The following ROBO2 variants were observed in gnomAD, a reference collection of about 807,000 sequenced individuals.
ROBO2 encodes the protein roundabout homolog 2.
Under a neutral mutation model 160.8 loss-of-function variants are expected in ROBO2, and 53 were observed. The ratio of observed to expected loss-of-function variants is 0.33; its 90% confidence interval spans 0.26 to 0.41. The LOEUF is 0.41. ROBO2 is among the 10% of genes least tolerant of loss of function. ROBO2 has a pLI of 1.00. For synonymous variants in ROBO2, 664 were observed against 611.7 expected (o/e 1.09, Z -1.26); for missense variants, 1,577 against 1,722.4 (o/e 0.92, Z 1.49).
chr3:77,221,346 C>T (rs1020205865), intron 2 of ROBO2, among the ~76,000 whole-genome samples: 8 of 152,150 alleles, frequency 5.3e-5, no homozygotes, highest in African/African-American at 1.9e-4. Flanking sequence ...ATTTGATAAC[C>T]TTTTGGTAAA....
chr3:75,999,597 G>A (rs1476245050), intron 2 of ROBO2, among the ~76,000 whole-genome samples: 5 of 152,128 alleles, frequency 3.3e-5, no homozygotes, highest in African/African-American at 1.2e-4. Flanking sequence ...TTTCATGTGT[G>A]TGGCATGTGC....
At chr3:76,455,449 A>C (rs1411803311) in intron 2 of ROBO2, among the ~76,000 whole-genome samples, 1 of 152,168 alleles carries the variant, frequency 6.6e-6, no homozygotes, top group Non-Finnish European at 1.5e-5. Flanking sequence ...CTAATTTAGA[A>C]AAAATAAAAA....
At chr3:76,499,605 G>C (rs886401981) in intron 2 of ROBO2, among the ~76,000 whole-genome samples, 11 of 152,154 alleles carry the variant, frequency 7.2e-5, no homozygotes, top group African/African-American at 2.7e-4. Flanking sequence ...TCTTTTCAAA[G>C]AATGAAAAGG....
At position 77,477,591 on chromosome 3, in the gene ROBO2, T is replaced by G; in HGVS notation, c.546+20T>G. 6.2e-7 allele frequency: 1 copy of G among 1,610,806 alleles called. No homozygotes were observed. Among genetic ancestry groups the G allele is most frequent in the Non-Finnish European group, 8.5e-7 (1 of 1,177,018 alleles). Reference sequence around the variant, plus strand: ...ATAAGTGTGAGTTAAATTAAAATCATGGCCCAGAGAGATTGAATTTTCAGT... The same window carrying G: ...ATAAGTGTGAGTTAAATTAAAATCAGGGCCCAGAGAGATTGAATTTTCAGT... On this transcript the variant is annotated intron_variant, in intron 3 of 25. Transcript: ENST00000461745.
At chr3:77,462,134 T>C (rs1457235782) in intron 2 of ROBO2, among the ~76,000 whole-genome samples, 1 of 152,206 alleles carries the variant, frequency 6.6e-6, no homozygotes, top group Non-Finnish European at 1.5e-5. Context: ...TATTTTAGGT[T>C]CTATAGAAGA....
At chr3:76,600,256 G>A (rs4241413) in intron 2 of ROBO2, among the ~76,000 whole-genome samples, 124,493 of 152,104 alleles carry the variant, frequency 0.82, 52,242 homozygotes, top group Middle Eastern at 0.96. Flanking sequence ...TCAATCTTCT[G>A]CATATGGCTA....
chr3:77,245,343 G>A (rs2089600753), intron 2 of ROBO2, among the ~76,000 whole-genome samples: 1 of 152,180 alleles, frequency 6.6e-6, no homozygotes, highest in African/African-American at 2.4e-5. Context: ...TAAAGGCCTT[G>A]TGCTGGTTAA....
intron 2 of ROBO2, among the ~76,000 whole-genome samples, chr3:76,702,993 A>T (rs1371992423): frequency 6.6e-6 from 1 of 152,164 alleles, no homozygotes. Context: ...TGAAGACCAT[A>T]TGAAAATCAG....
chr3:76,133,531 G>T (rs1401344952), intron 2 of ROBO2, among the ~76,000 whole-genome samples: 3 of 152,030 alleles, frequency 2.0e-5, no homozygotes, highest in Admixed American at 6.6e-5. Flanking sequence ...ACAACAGGCC[G>T]TCTGCAAGCT....
At chr3:77,384,767 A>T (rs2073923713) in intron 2 of ROBO2, among the ~76,000 whole-genome samples, 1 of 152,210 alleles carries the variant, frequency 6.6e-6, no homozygotes, top group Non-Finnish European at 1.5e-5. Context: ...TATAAATAAG[A>T]TGTAATTAGA....
intron 2 of ROBO2, among the ~76,000 whole-genome samples, chr3:76,395,497 C>CA (rs568320732): frequency 0.1 from 12,473 of 119,896 alleles, 699 homozygotes; most frequent in African/African-American, 0.17. Context: ...GAAATAGAGA[C>CA]AAAAAAAAAC....
At chr3:76,249,609 T>G (rs1378944997) in intron 2 of ROBO2, among the ~76,000 whole-genome samples, 1 of 152,172 alleles carries the variant, frequency 6.6e-6, no homozygotes, top group Non-Finnish European at 1.5e-5. Flanking sequence ...CAATGATTAG[T>G]GCTTTTAGCT....
At chr3:76,113,072 A>T (rs1364412059) in intron 2 of ROBO2, among the ~76,000 whole-genome samples, 3 of 152,106 alleles carry the variant, frequency 2.0e-5, no homozygotes, top group Non-Finnish European at 4.4e-5. Flanking sequence ...ACAGTGACAT[A>T]TGTCTTCCAG....
intron 2 of ROBO2, among the ~76,000 whole-genome samples, chr3:76,467,961 G>C (rs1023814222): frequency 2.0e-5 from 3 of 152,050 alleles, no homozygotes. Context: ...TTCTAAATAT[G>C]AGCTTAGCTC....
chr3:77,409,680 T>C (rs2076542911), intron 2 of ROBO2, among the ~76,000 whole-genome samples: 1 of 152,188 alleles, frequency 6.6e-6, no homozygotes, highest in Non-Finnish European at 1.5e-5. Flanking sequence ...GGAGAAGGAC[T>C]GGACCGTGGG....
intron 2 of ROBO2, among the ~76,000 whole-genome samples, chr3:76,012,429 A>C (rs1176643831): frequency 1.3e-5 from 2 of 152,194 alleles, no homozygotes; most frequent in African/African-American, 4.8e-5. Context: ...CGCACAACTA[A>C]ATTTGATGAG....
At chr3:76,129,010 G>A (rs2071116388) in intron 2 of ROBO2, among the ~76,000 whole-genome samples, 1 of 151,022 alleles carries the variant, frequency 6.6e-6, no homozygotes, top group Admixed American at 6.6e-5. Context: ...TTGCTGTGAG[G>A]TTATACTCTA....
At chr3:77,039,156 G>A (rs1215765724), upstream of ROBO2, among the ~76,000 whole-genome samples, 1 of 152,212 alleles carries the variant, frequency 6.6e-6, no homozygotes, top group Non-Finnish European at 1.5e-5. Flanking sequence ...TGGCTAAAAT[G>A]AGCCGCTGGA....
At chr3:76,769,671 C>T (rs2061773143) in intron 2 of ROBO2, among the ~76,000 whole-genome samples, 1 of 151,436 alleles carries the variant, frequency 6.6e-6, no homozygotes, top group Admixed American at 6.6e-5. Context: ...GTGGACTTCA[C>T]AATGAGCTAT....
Sources: allele counts gnomAD v4.1 joint callset (sites outside exome capture counted in the v4.1 genomes callset), GRCh38; gene constraint gnomAD v4.1.1; transcripts MANE v1.5; gene names NCBI Gene and HGNC (gene_info 2026-07-23, HGNC 2026-07-21).